Variants in DEFB136 observed in about 807,000 individuals in gnomAD.
DEFB136 encodes the protein defensin beta 136.
Under a neutral mutation model 2.4 loss-of-function variants are expected in DEFB136, and 6 were observed. That is an observed-to-expected ratio of 2.45 (90% CI 1.34 to 4.84). DEFB136 has a LOEUF of 4.84. Ranked by LOEUF, DEFB136 falls within the 30% of genes most tolerant of loss-of-function variation. The probability of loss-of-function intolerance (pLI) is 0.00; values close to 1 mark genes in which losing one functional copy is unlikely to be tolerated. For missense variants in DEFB136, 126 were observed against 98.4 expected, an observed-to-expected ratio of 1.28 and a Z score of -1.19; for synonymous variants, 47 against 35.2, an observed-to-expected ratio of 1.33 and a Z score of -1.18.
Position 11,974,526 on chromosome 8 carries a change from C to A in DEFB136, c.55+19G>T. On this transcript the variant is annotated intron_variant, in intron 1 of 1. Coordinates refer to ENST00000382209, the MANE Select transcript of DEFB136 (RefSeq NM_001033018.2). ...GGGAACACCCACTTTTATGTTCAGA[C>A]TCACGCCCACTGTCTTACCTGAAGG... is the stretch of plus-strand genomic sequence containing the variant. The A allele has an allele frequency of 6.2e-7, 1 of 1,613,838 alleles. No homozygotes were observed. Among genetic ancestry groups the A allele is most frequent in the Non-Finnish European group, 8.5e-7 (1 of 1,179,738 alleles).
Position 11,974,487 on chromosome 8 carries a change from G to C in DEFB136, c.55+58C>G, listed in dbSNP as rs73538685. The C allele has an allele frequency of 4.0e-3, 6,288 of 1,587,854 alleles. 226 individuals carry two copies. In the African/African-American group the frequency reaches 0.076, roughly 19 times the overall value. On this transcript the variant is annotated intron_variant, in intron 1 of 1. Transcript: ENST00000382209. Reference sequence around the variant, plus strand: ...GGCTTATAGTTAGAGGGTTTTTTAAGCATCTCAATCTTTGGGAACACCCAC... The same window carrying C: ...GGCTTATAGTTAGAGGGTTTTTTAACCATCTCAATCTTTGGGAACACCCAC...
intron 1 of DEFB136, 147 bp downstream of exon 1, chr8:11,974,398 A>T: frequency 9.9e-7 from 1 of 1,009,324 alleles, no homozygotes; most frequent in Non-Finnish European, 1.5e-6. Flanking sequence ...GCAGGGCAGG[A>T]GCTGGGGTCC....
chr8:11,974,089 T>G lies in DEFB136; in HGVS notation c.85A>C (p.Lys29Gln). The G allele has an allele frequency of 6.3e-7, 1 of 1,589,520 alleles. No homozygotes were observed. Among genetic ancestry groups the G allele is most frequent in the Non-Finnish European group, 8.5e-7 (1 of 1,170,176 alleles). The change falls in exon 2 of 2, where the codon AAA becomes CAA. Residue 29 changes from lysine to glutamine, a missense_variant. By Grantham distance (53) the Lys-to-Gln change is moderately conservative. Coordinates refer to ENST00000382209, the MANE Select transcript of DEFB136 (RefSeq NM_001033018.2). ...GKGMFGNDGVKVRTCTSQKAV... is the reference protein window; with the variant it reads ...GKGMFGNDGVQVRTCTSQKAV... The stretch of plus-strand genomic sequence containing the variant: ...TTCTGGCTAGTGCAGGTGCGAACTT[T>G]GACTCCATCATTCCCAAACATACCT...
intron 1 of DEFB136, 60 bp from the exon 2 acceptor site, chr8:11,974,178 C>T: frequency 6.7e-7 from 1 of 1,495,056 alleles, no homozygotes; most frequent in Non-Finnish European, 8.9e-7. Flanking sequence ...GGGAGAAATC[C>T]TAGGCTTGCC....
At chr8:11,974,268 G>C (rs1382469383) in intron 1 of DEFB136, 150 bp from the exon 2 acceptor site, 4 of 1,120,362 alleles carry the variant, frequency 3.6e-6, no homozygotes, top group Non-Finnish European at 5.0e-6. Flanking sequence ...TAAAGCTCAG[G>C]GTAGCCAGAG....
intron 1 of DEFB136, 116 bp from the exon 2 acceptor site, chr8:11,974,234 C>G (rs1799549398): frequency 1.5e-6 from 2 of 1,292,760 alleles, no homozygotes; most frequent in Non-Finnish European, 2.1e-6. Flanking sequence ...TACCTCACCT[C>G]TTATCACAAC....
chr8:11,974,583 G>C lies in DEFB136; in HGVS notation c.17C>G (p.Ser6Cys). The C allele has an allele frequency of 6.2e-7, 1 of 1,614,086 alleles. No homozygotes were observed. The highest frequency in any genetic ancestry group is 8.5e-7 in the Non-Finnish European group (1 of 1,179,982). The part of the protein sequence containing the change: MNLCL[S>C]ALLFFLVILL... Reference sequence around the variant, plus strand: ...GATCACCAGGAAAAAGAGTAATGCAGAAAGACAGAGGTTCATGGCCGAAGA... The same window carrying C: ...GATCACCAGGAAAAAGAGTAATGCACAAAGACAGAGGTTCATGGCCGAAGA... Residue 6 changes from serine (S) to cysteine (C), a missense_variant, in exon 1 of 2, where the codon TCT (serine) becomes TGT (cysteine). Ser to Cys is a moderately radical substitution (Grantham distance 112, BLOSUM62 -1). Coordinates refer to ENST00000382209, the MANE Select transcript of DEFB136 (RefSeq NM_001033018.2).
intron 1 of DEFB136, among the ~76,000 whole-genome samples, 196 bp downstream of exon 1, chr8:11,974,349 C>T (rs567987602): frequency 3.3e-5 from 5 of 152,172 alleles, no homozygotes; most frequent in African/African-American, 4.8e-5. Context: ...CCCCCGTCCC[C>T]GGTGCACTGG....
At chr8:11,974,426 C>G (rs1355653937) in intron 1 of DEFB136, 119 bp downstream of exon 1, 1 of 1,248,932 alleles carries the variant, frequency 8.0e-7, no homozygotes, top group African/African-American at 1.5e-5. Flanking sequence ...ATGCCCCTAA[C>G]ATGGTGGCCC....
Position 11,974,113 on chromosome 8 carries a change from C to T in DEFB136, c.61G>A (p.Gly21Ser). 2 of 1,566,746 alleles carry T rather than the reference C, an allele frequency of 1.3e-6. No homozygotes were observed. Among genetic ancestry groups the T allele is most frequent in the Non-Finnish European group, 1.7e-6 (2 of 1,157,934 alleles). ...FLVILLPSGK[G>S]MFGNDGVKVR... ...TTGACTCCATCATTCCCAAACATAC[C>T]TTTTCCTGAAGCGGGGAGAGACCAC... Residue 21 changes from glycine to serine, a missense_variant, in exon 2 of 2, where the codon GGT becomes AGT. Gly to Ser is a moderately conservative substitution (Grantham distance 56). Coordinates refer to ENST00000382209, the MANE Select transcript of DEFB136 (RefSeq NM_001033018.2).
chr8:11,974,142 A>G, intron 1 of DEFB136, 24 bp from the exon 2 acceptor site: 1 of 1,526,050 alleles, frequency 6.6e-7, no homozygotes, highest in Non-Finnish European at 8.8e-7. Context: ...AGACCACAGA[A>G]AAGAAAAATC....
At chr8:11,974,201 T>G in intron 1 of DEFB136, 83 bp from the exon 2 acceptor site, 2 of 1,445,586 alleles carry the variant, frequency 1.4e-6, no homozygotes, top group East Asian at 4.7e-5. Context: ...CACCTCCTGG[T>G]TGATGGCTTG....
chr8:11,974,453 C>T (rs1799555120), intron 1 of DEFB136, 92 bp downstream of exon 1: 2 of 1,454,902 alleles, frequency 1.4e-6, no homozygotes, highest in East Asian at 4.6e-5. Context: ...TATTGGTGTC[C>T]TGTTGCTGGG....
In DEFB136 at chr8:11,973,962, T is replaced by G; in HGVS notation, c.212A>C (p.Gln71Pro). ...TTAATGAACCCATGGATCTTTGGCT[T>G]GCGGGGGTTGAAAACGTGTCATATT... Reference protein sequence around the residue: ...CKNMTRFQPPQAKDPWVH With the variant: ...CKNMTRFQPPPAKDPWVH The change falls in exon 2 of 2, where the codon CAA becomes CCA. Residue 71 changes from glutamine (Q) to proline (P), a missense_variant. By Grantham distance (76) the Gln-to-Pro change is moderately conservative. Transcript: ENST00000382209. 1 of 1,601,514 alleles carries G rather than the reference T, an allele frequency of 6.2e-7. No individual in the cohort carries two copies. Among genetic ancestry groups the G allele is most frequent in the Non-Finnish European group, 8.5e-7 (1 of 1,174,054 alleles).
intron 1 of DEFB136, 146 bp from the exon 2 acceptor site, chr8:11,974,264 T>G (rs540196025): frequency 1.7e-6 from 2 of 1,166,096 alleles, no homozygotes; most frequent in Non-Finnish European, 2.4e-6. Flanking sequence ...CAGATAAAGC[T>G]CAGGGTAGCC....
intron 1 of DEFB136, 79 bp downstream of exon 1, chr8:11,974,466 T>C (rs929530434): frequency 1.2e-5 from 18 of 1,535,830 alleles, no homozygotes; most frequent in Non-Finnish European, 1.4e-5. Flanking sequence ...TTGCTGGGCT[T>C]ATAGTTAGAG....
chr8:11,974,589 C>CA lies in DEFB136; in HGVS notation c.10dup (p.Cys4LeufsTer23), dbSNP rs772820093. 2.9e-5 allele frequency: 46 copies of CA among 1,613,964 alleles called. No individual in the cohort carries two copies. The highest frequency in any genetic ancestry group is 3.8e-5 in the Non-Finnish European group (45 of 1,179,998). On this transcript the variant is annotated frameshift_variant, in exon 1 of 2. Coordinates refer to ENST00000382209, the MANE Select transcript of DEFB136 (RefSeq NM_001033018.2). LOFTEE classifies it low-confidence loss of function (END_TRUNC). ...CAGGAAAAAGAGTAATGCAGAAAGA[C>CA]AGAGGTTCATGGCCGAAGAGGGCAC...
rs746384731 is a variant in DEFB136, at chr8:11,974,562, A to G, written c.38T>C (p.Val13Ala). The G allele has an allele frequency of 6.2e-7, 1 of 1,614,168 alleles. No homozygotes were observed. The highest frequency in any genetic ancestry group is 1.1e-5 in the South Asian group (1 of 91,086). ...LCLSALLFFL[V>A]ILLPSGKGMF... ...TGTCTTACCTGAAGGCAGTAAGATC[A>G]CCAGGAAAAAGAGTAATGCAGAAAG... Residue 13 changes from valine (V) to alanine (A), a missense_variant, in exon 1 of 2, where the codon GTG becomes GCG. Transcript: ENST00000382209.
intron 1 of DEFB136, 38 bp downstream of exon 1, chr8:11,974,507 A>G (rs1350602058): frequency 6.2e-7 from 1 of 1,610,324 alleles, no homozygotes; most frequent in Admixed American, 1.7e-5. Context: ...CTTTGGGAAC[A>G]CCCACTTTTA....
Sources: gnomAD v4.1 joint callset for allele counts (sites outside exome capture counted in the v4.1 genomes callset) on GRCh38, gnomAD v4.1.1 for gene constraint, MANE v1.5 for transcripts, NCBI Gene and HGNC (gene_info 2026-07-23, HGNC 2026-07-21) for gene names.